The following SGTA variants were observed in gnomAD, a reference collection of about 807,000 sequenced individuals.
The protein encoded by SGTA is small glutamine-rich tetratricopeptide repeat-containing protein alpha.
Under a neutral mutation model 44.3 loss-of-function variants are expected in SGTA, and 22 were observed. The observed-to-expected ratio is 0.50, with a 90% CI of 0.36 to 0.71. The LOEUF (loss-of-function observed/expected upper bound fraction) is 0.71, where lower values mean the gene tolerates loss of function less well. Among genes scored for constraint, SGTA ranks in the 30% least tolerant of loss-of-function variants. The pLI is 0.00. For missense variants in SGTA, 341 were observed against 435.9 expected, an observed-to-expected ratio of 0.78 and a Z score of 1.94; for synonymous variants, 174 against 177.6, an observed-to-expected ratio of 0.98 and a Z score of 0.16.
At chr19:2,769,411 C>T (rs1261989576) in intron 1 of SGTA, among the ~76,000 whole-genome samples, 2 of 152,170 alleles carry the variant, frequency 1.3e-5, no homozygotes, top group African/African-American at 4.8e-5. Flanking sequence ...GTCCCCTCCG[C>T]CCCTGCTTCT....
At chr19:2,758,854 G>A (rs1228315575) in intron 9 of SGTA, among the ~76,000 whole-genome samples, 6 of 152,224 alleles carry the variant, frequency 3.9e-5, no homozygotes, top group African/African-American at 7.2e-5. Context: ...CCTTGAGGAC[G>A]TCACGCTCAG....
intron 1 of SGTA, chr19:2,770,774 G>A (rs1471111654): frequency 6.5e-6 from 1 of 153,192 alleles, no homozygotes; most frequent in African/African-American, 2.4e-5. Flanking sequence ...GTGGCCACAC[G>A]AAGAGAGGTG....
intron 1 of SGTA, among the ~76,000 whole-genome samples, chr19:2,771,404 C>G (rs576438363): frequency 5.7e-4 from 86 of 151,972 alleles, no homozygotes; most frequent in Non-Finnish European, 1.1e-3. Context: ...AGCCTGGCAA[C>G]AGAGTGAGAC....
rs775101083 is a variant in SGTA at position 2,762,659 on chromosome 19, C to T, written c.498-15G>A. 8.7e-6 allele frequency: 14 copies of T among 1,613,316 alleles called. No individual in the cohort carries two copies. Among genetic ancestry groups the T allele is most frequent in the Admixed American group, 3.3e-5 (2 of 60,008 alleles). ...AGAGCGCCAGGCTGGAGGAGAGCAC[C>T]GGGGATGGACTGTTCCCATCTGCCC... On this transcript the variant is annotated splice_polypyrimidine_tract_variant and intron_variant, in intron 6 of 11. Transcript: ENST00000221566.
chr19:2,759,282 T>C lies in SGTA; in HGVS notation c.712A>G (p.Met238Val), dbSNP rs1380150248. Residue 238 changes from methionine to valine, a missense_variant, in exon 9 of 12, where the codon ATG becomes GTG. Physicochemically the swap from Met to Val is conservative, Grantham distance 21. Coordinates refer to ENST00000221566, the MANE Select transcript of SGTA (RefSeq NM_003021.4). ...AGCTGCTGAATCTGGGGATTGTTCATTAGGTTCGAAGCCTGAAGAACAGAA... is the reference window on the plus strand; with the variant it reads ...AGCTGCTGAATCTGGGGATTGTTCACTAGGTTCGAAGCCTGAAGAACAGAA... Reference protein sequence around the residue: ...PGFMSMASNLMNNPQIQQLMS... With the variant: ...PGFMSMASNLVNNPQIQQLMS... 1.2e-6 allele frequency: 2 copies of C among 1,614,090 alleles called. No individual in the cohort carries two copies. Among genetic ancestry groups the C allele is most frequent in the Non-Finnish European group, 1.7e-6 (2 of 1,179,944 alleles).
intron 11 of SGTA, 108 bp downstream of exon 11, chr19:2,757,229 G>A: frequency 7.4e-7 from 1 of 1,360,360 alleles, no homozygotes; most frequent in South Asian, 1.4e-5. Context: ...TGTCCAGACA[G>A]GCTCCACAGC....
rs771773650 is a variant in SGTA at position 2,757,761 on chromosome 19, A to G, written c.759T>C (p.Gly253=). 1.2e-6 allele frequency: 2 copies of G among 1,602,392 alleles called. No individual in the cohort carries two copies. The highest frequency in any genetic ancestry group is 2.2e-5 in the East Asian group (1 of 44,568). Residue 253 remains glycine (G), a synonymous_variant, in exon 10 of 12, where the codon GGT becomes GGC. Coordinates refer to ENST00000221566, the MANE Select transcript of SGTA (RefSeq NM_003021.4). ...IQQLMSGMIS[G]GNNPLGTPGT... is the part of the protein sequence containing the mutation. ...CGGGAGTTCCCAAGGGGTTGTTGCCACCCGAAATCATGCCGGACATGCTGC... is the reference window on the plus strand; with the variant it reads ...CGGGAGTTCCCAAGGGGTTGTTGCCGCCCGAAATCATGCCGGACATGCTGC...
intron 7 of SGTA, 98 bp downstream of exon 7, chr19:2,762,408 C>T (rs545315254): frequency 1.6e-6 from 2 of 1,262,624 alleles, no homozygotes; most frequent in South Asian, 2.6e-5. Flanking sequence ...CTCACGACAC[C>T]CAGGTTAAGC....
chr19:2,767,052 G>T lies in SGTA; in HGVS notation c.292+84C>A. On this transcript the variant is annotated intron_variant, in intron 4 of 11. Transcript: ENST00000221566. The surrounding 1 kb of genome is among the most constrained non-coding windows in gnomAD (Gnocchi z 7.3). ...ATTCCCTCAGCTCCCTGGGCCCCAGGGACCAGCTGGCCTCTGCGAGGGTCC... is the reference window on the plus strand; with the variant it reads ...ATTCCCTCAGCTCCCTGGGCCCCAGTGACCAGCTGGCCTCTGCGAGGGTCC... 1.0e-6 allele frequency: 1 copy of T among 996,458 alleles called. No individual in the cohort carries two copies. The highest frequency in any genetic ancestry group is 1.6e-6 in the Non-Finnish European group (1 of 640,266). 61.7% of individuals were successfully genotyped at this position (996,458 alleles called of 1,614,324 possible). A position where few individuals can be genotyped will look rare whatever the true frequency, so the allele number is the denominator to read the frequency against.
chr19:2,779,353 C>A (rs1047257021), intron 1 of SGTA, among the ~76,000 whole-genome samples: 7 of 152,176 alleles, frequency 4.6e-5, no homozygotes, highest in Admixed American at 2.6e-4. Context: ...GGCTTCTCTG[C>A]TGTCCCCAAG....
rs115616415 is a variant in SGTA at position 2,755,896 on chromosome 19, G to C, written c.*44C>G. On this transcript the variant is annotated 3_prime_UTR_variant, in exon 12 of 12. Coordinates refer to ENST00000221566, the MANE Select transcript of SGTA (RefSeq NM_003021.4). The surrounding 1 kb of genome is among the most constrained non-coding windows in gnomAD (Gnocchi z 5.2). ...GGCAGACAACCAGAAGGCTTCCTTC[G>C]GGTCGGCCAGGGAAGGACGCGGTCA... The C allele has an allele frequency of 2.4e-3, 2,323 of 985,676 alleles. 33 individuals are homozygous for C. The African/African-American group carries it at 0.037, about 16-fold the overall frequency. 61.1% of individuals were successfully genotyped at this position (985,676 alleles called of 1,614,324 possible). A position where few individuals can be genotyped will look rare whatever the true frequency, so the allele number is the denominator to read the frequency against.
intron 2 of SGTA, among the ~76,000 whole-genome samples, chr19:2,768,127 G>A (rs930271886): frequency 1.5e-4 from 23 of 152,260 alleles, no homozygotes; most frequent in African/African-American, 5.3e-4. Flanking sequence ...GACTGGGTCT[G>A]TACCAGGGCA....
rs767127395 is a variant in SGTA at position 2,762,581 on chromosome 19, C to A, written c.561G>T (p.Glu187Asp). The change falls in exon 7 of 12, where the codon GAG becomes GAT. Residue 187 changes from glutamate to aspartate, a missense_variant. Transcript: ENST00000221566. ...TGTATGTCTCGTTGTCGGGGTCCAG[C>A]TCCAGAGCCTTCTTGTAGTAAGCCA... ...EAVAYYKKAL[E>D]LDPDNETYKS... is the part of the protein sequence containing the mutation. 1 of 1,614,140 alleles carries A rather than the reference C, an allele frequency of 6.2e-7. No individual in the cohort carries two copies. The highest frequency in any genetic ancestry group is 1.1e-5 in the South Asian group (1 of 91,086).
chr19:2,760,122 C>G (rs941167533), intron 8 of SGTA, among the ~76,000 whole-genome samples: 2 of 152,094 alleles, frequency 1.3e-5, no homozygotes, highest in African/African-American at 2.4e-5. Flanking sequence ...ATACTCTCAG[C>G]CTTTTCAGAC....
At position 2,767,836 on chromosome 19, in the gene SGTA, G is replaced by A. The variant is rs897382028; in HGVS notation, c.101-150C>T. The A allele has an allele frequency of 7.7e-6, 5 of 652,908 alleles. No individual in the cohort carries two copies. Among genetic ancestry groups the A allele is most frequent in the African/African-American group, 1.8e-5 (1 of 55,256 alleles). 40.4% of individuals were successfully genotyped at this position (652,908 alleles called of 1,614,324 possible). ...GCAGGGGCCGCCGCCTGTGCTCTGG[G>A]CTGGGACAGTGGACCCTCTTCCTTC... On this transcript the variant is annotated intron_variant, in intron 2 of 11. Transcript: ENST00000221566. This position sits in a 1 kb window ranked among gnomAD's most constrained non-coding sequence, Gnocchi z 7.3.
intron 1 of SGTA, among the ~76,000 whole-genome samples, chr19:2,780,024 G>A (rs1915536539): frequency 6.6e-6 from 1 of 152,150 alleles, no homozygotes; most frequent in Non-Finnish European, 1.5e-5. Context: ...AGGAGTTGGA[G>A]GCTGCAGTGA....
chr19:2,767,747 G>T lies in SGTA; in HGVS notation c.101-61C>A. 1.5e-6 allele frequency: 2 copies of T among 1,348,726 alleles called. No homozygotes were observed. Among genetic ancestry groups the T allele is most frequent in the Non-Finnish European group, 2.1e-6 (2 of 942,680 alleles). 83.5% of individuals were successfully genotyped at this position (1,348,726 alleles called of 1,614,324 possible). On this transcript the variant is annotated intron_variant, in intron 2 of 11. Transcript: ENST00000221566. This position sits in a 1 kb window ranked among gnomAD's most constrained non-coding sequence, Gnocchi z 7.3. ...CGCAGCCCCGAGGTTACGTTTTTGG[G>T]TCTAGAGGGCGGGGTTGGTGCTCAT...
rs1031595273 is a variant in SGTA at position 2,761,943 on chromosome 19, T to C, written c.637-421A>G. ...TCTATCATCCCGTGTTGATTTCCTG[T>C]ATTCTGCCGCTTTGACACCTTGGGG... On this transcript the variant is annotated intron_variant, in intron 7 of 11. Coordinates refer to ENST00000221566, the MANE Select transcript of SGTA (RefSeq NM_003021.4). The surrounding 1 kb of genome is among the most constrained non-coding windows in gnomAD (Gnocchi z 5.7). 6.6e-6 allele frequency among the ~76,000 whole-genome samples: 1 copy of C among 152,176 alleles called. No homozygotes were observed. Among genetic ancestry groups the C allele is most frequent in the African/African-American group, 2.4e-5 (1 of 41,436 alleles).
rs773944205 is a variant in SGTA, at chr19:2,765,314, G to A, written c.293-29C>T. On this transcript the variant is annotated intron_variant, in intron 4 of 11. Transcript: ENST00000221566. This position sits in a 1 kb window ranked among gnomAD's most constrained non-coding sequence, Gnocchi z 5.5. Reference sequence around the variant, plus strand: ...CAGGGAGAGAGGAAAACACCGGCCCGGTGTCCACACAGACCGGAGGGGGTG... The same window carrying A: ...CAGGGAGAGAGGAAAACACCGGCCCAGTGTCCACACAGACCGGAGGGGGTG... The A allele has an allele frequency of 2.8e-4, 441 of 1,548,398 alleles. 1 individual carries two copies. The highest frequency in any genetic ancestry group is 3.8e-4 in the Non-Finnish European group (425 of 1,123,256).
Sources: gnomAD v4.1 joint callset for allele counts (sites outside exome capture counted in the v4.1 genomes callset) on GRCh38, gnomAD v4.1.1 for gene constraint, Gnocchi (gnomAD v3.1) non-coding constraint, MANE v1.5 for transcripts, NCBI Gene and HGNC (gene_info 2026-07-23, HGNC 2026-07-21) for gene names.